The following CCL11 variants were observed in gnomAD, a reference collection of about 807,000 sequenced individuals.
The protein encoded by CCL11 is eotaxin.
Under a neutral mutation model 7.3 loss-of-function variants are expected in CCL11, and 7 were observed. The observed-to-expected ratio is 0.96, with a 90% CI of 0.55 to 1.81. The LOEUF (loss-of-function observed/expected upper bound fraction) is 1.81, where lower values mean the gene tolerates loss of function less well. Ranked by LOEUF, CCL11 falls within the 40% of genes most tolerant of loss-of-function variation. The pLI, the probability that CCL11 is intolerant of heterozygous loss-of-function variation, is 0.00. For synonymous variants in CCL11, 66 were observed against 45.2 expected (o/e 1.46, Z -1.84); for missense variants, 132 against 114.2 (o/e 1.16, Z -0.71).
At chr17:34,285,905 C>CCTTTCCTGTA in intron 1 of CCL11, 21 bp downstream of exon 1, 2 of 1,577,880 alleles carry the variant, frequency 1.3e-6, no homozygotes, top group Non-Finnish European at 1.7e-6. Context: ...CAACTCCTTA[C>CCTTTCCTGTA]AGGAAAGGTA....
Position 34,287,831 on chromosome 17 carries a change from A to ATTT in CCL11, c.*141_*142insTTT, listed in dbSNP as rs1567648692. 17 of 319,858 alleles carry ATTT rather than the reference A, an allele frequency of 5.3e-5. No individual in the cohort carries two copies. The highest frequency in any genetic ancestry group is 3.5e-4 in the African/African-American group (16 of 46,230). 19.8% of individuals were successfully genotyped at this position (319,858 alleles called of 1,614,324 possible). A position where few individuals can be genotyped will look rare whatever the true frequency, so the allele number is the denominator to read the frequency against. ...ATATATATATATTTTTTTTTTTAAAAAAAAAACGTATTGCATTTAATTTAT... is the reference window on the plus strand; with the variant it reads ...ATATATATATATTTTTTTTTTTAAAATTTAAAAAACGTATTGCATTTAATTTAT... On this transcript the variant is annotated 3_prime_UTR_variant, in exon 3 of 3. Transcript: ENST00000305869.
At position 34,287,157 on chromosome 17, in the gene CCL11, A is replaced by G. The variant is rs894566628; in HGVS notation, c.138A>G (p.Leu46=). ...ATAGGAAGATACCCCTTCAGCGACTAGAGAGCTACAGGAGAATCACCAGTG... is the reference window on the plus strand; with the variant it reads ...ATAGGAAGATACCCCTTCAGCGACTGGAGAGCTACAGGAGAATCACCAGTG... The part of the protein sequence containing the change: ...LANRKIPLQR[L]ESYRRITSGK... Residue 46 remains leucine, a synonymous_variant, in exon 2 of 3, where the codon CTA becomes CTG. Coordinates refer to ENST00000305869, the MANE Select transcript of CCL11 (RefSeq NM_002986.3). The G allele has an allele frequency of 1.9e-6, 3 of 1,614,042 alleles. No individual in the cohort carries two copies. The highest frequency in any genetic ancestry group is 1.3e-5 in the African/African-American group (1 of 75,028).
Position 34,285,868 on chromosome 17 carries a change from G to C in CCL11, c.60G>C (p.Gln20His). 1.9e-6 allele frequency: 3 copies of C among 1,611,536 alleles called. No homozygotes were observed. The highest frequency in any genetic ancestry group is 2.5e-6 in the Non-Finnish European group (3 of 1,178,784). Residue 20 changes from glutamine (Q) to histidine (H), a missense_variant, in exon 1 of 3, where the codon CAG becomes CAC. Gln to His is a conservative substitution (Grantham distance 24). Transcript: ENST00000305869. The part of the protein sequence containing the change: ...LLLIAAAFSP[Q>H]GLAGPASVPT... ...TCATAGCAGCTGCCTTCAGCCCCCA[G>C]GGGCTCGCTGGGCCAGGTAAGCCCC...
chr17:34,285,958 C>A, intron 1 of CCL11, 74 bp downstream of exon 1: 1 of 989,872 alleles, frequency 1.0e-6, no homozygotes, highest in Non-Finnish European at 1.5e-6. Context: ...AGAATCTTTA[C>A]AGACTCACTG....
chr17:34,287,820 T>C lies in CCL11; in HGVS notation c.*130T>C, dbSNP rs768719395. ...TGGGTTTTATTATATATATATATTT[T>C]TTTTTTTAAAAAAAAAACGTATTGC... On this transcript the variant is annotated 3_prime_UTR_variant, in exon 3 of 3. Transcript: ENST00000305869. 6 of 297,612 alleles carry C rather than the reference T, an allele frequency of 2.0e-5. No homozygotes were observed. In the Admixed American group the frequency reaches 2.1e-4, roughly 10 times the overall value. 18.4% of individuals were successfully genotyped at this position (297,612 alleles called of 1,614,324 possible). A position where few individuals can be genotyped will look rare whatever the true frequency, so the allele number is the denominator to read the frequency against.
At chr17:34,287,285 G>T (rs1908662749) in intron 2 of CCL11, 78 bp downstream of exon 2, 9 of 1,037,668 alleles carry the variant, frequency 8.7e-6, no homozygotes, top group South Asian at 1.3e-5. Flanking sequence ...TGTCACAGTT[G>T]CTGGGAGTCA....
At position 34,287,326 on chromosome 17, in the gene CCL11, A is replaced by G. The variant is rs1027574724; in HGVS notation, c.188+119A>G. 10 of 723,318 alleles carry G rather than the reference A, an allele frequency of 1.4e-5. No homozygotes were observed. In the African/African-American group the frequency reaches 1.8e-4, roughly 13 times the overall value. The allele number at this position is 723,318 out of a possible 1,614,324, so 44.8% of individuals were successfully genotyped here. A position where few individuals can be genotyped will look rare whatever the true frequency, so the allele number is the denominator to read the frequency against. On this transcript the variant is annotated intron_variant, in intron 2 of 2. Coordinates refer to ENST00000305869, the MANE Select transcript of CCL11 (RefSeq NM_002986.3). ...TCTGATAGTTTGACCTCTATGGTCC[A>G]ATTCATTAATTTTCACAAGTGAGTG...
Position 34,287,086 on chromosome 17 carries a change from C to G in CCL11, c.77-10C>G, listed in dbSNP as rs367601754. Reference sequence around the variant, plus strand: ...TTTTTCTCTGTTCATTTTTTTTCCCCAAAATTCAGCTTCTGTCCCAACCAC... The same window carrying G: ...TTTTTCTCTGTTCATTTTTTTTCCCGAAAATTCAGCTTCTGTCCCAACCAC... On this transcript the variant is annotated splice_polypyrimidine_tract_variant and intron_variant, in intron 1 of 2. Transcript: ENST00000305869. The G allele has an allele frequency of 3.7e-6, 6 of 1,600,020 alleles. No homozygotes were observed. In the African/African-American group the frequency reaches 8.1e-5, roughly 22 times the overall value.
intron 1 of CCL11, among the ~76,000 whole-genome samples, 188 bp downstream of exon 1, chr17:34,286,072 G>A (rs1908622923): frequency 6.6e-6 from 1 of 152,200 alleles, no homozygotes; most frequent in East Asian, 1.9e-4. Context: ...GAAAGCTCCC[G>A]AGTCTTTTCC....
At chr17:34,285,924 A>G in intron 1 of CCL11, 40 bp downstream of exon 1, 2 of 1,377,588 alleles carry the variant, frequency 1.5e-6, no homozygotes, top group African/African-American at 1.4e-5. Flanking sequence ...TAAGGTAACC[A>G]CCTCCAGAGC....
In CCL11 at chr17:34,285,846, T is replaced by C. The variant is rs954232207; in HGVS notation, c.38T>C (p.Ile13Thr). ...VSAALLWLLL[I>T]AAAFSPQGLA... is the part of the protein sequence containing the mutation. ...GCAGCACTTCTGTGGCTGCTGCTCA[T>C]AGCAGCTGCCTTCAGCCCCCAGGGG... The change falls in exon 1 of 3, where the codon ATA (isoleucine) becomes ACA (threonine). Residue 13 changes from isoleucine to threonine, a missense_variant. By Grantham distance (89) the Ile-to-Thr change is moderately conservative (BLOSUM62 -1). Coordinates refer to ENST00000305869, the MANE Select transcript of CCL11 (RefSeq NM_002986.3). 3.7e-6 allele frequency: 6 copies of C among 1,612,586 alleles called. No individual in the cohort carries two copies. The highest frequency in any genetic ancestry group is 1.3e-5 in the African/African-American group (1 of 74,890).
chr17:34,285,959 A>T, intron 1 of CCL11, 75 bp downstream of exon 1: 1 of 974,930 alleles, frequency 1.0e-6, no homozygotes, highest in Admixed American at 2.4e-5. Flanking sequence ...GAATCTTTAC[A>T]GACTCACTGC....
At position 34,287,481 on chromosome 17, in the gene CCL11, G is replaced by A. The variant is rs527555142; in HGVS notation, c.189-104G>A. 1.1e-4 allele frequency: 91 copies of A among 810,772 alleles called. 1 individual carries two copies. In the Middle Eastern group the frequency reaches 1.4e-3, roughly 12 times the overall value. The allele number at this position is 810,772 out of a possible 1,614,324, so 50.2% of individuals were successfully genotyped here. A position where few individuals can be genotyped will look rare whatever the true frequency, so the allele number is the denominator to read the frequency against. ...AAGAGTCTCATCCTTCCTCCTCTCC[G>A]TAGCAACCCTTTGTCCAGGGGCAGA... is the stretch of plus-strand genomic sequence containing the variant. On this transcript the variant is annotated intron_variant, in intron 2 of 2. Transcript: ENST00000305869.
At chr17:34,286,972 C>T in intron 1 of CCL11, 124 bp from the exon 2 acceptor site, 1 of 655,544 alleles carries the variant, frequency 1.5e-6, no homozygotes, top group South Asian at 1.7e-5. Flanking sequence ...GAGGGATTCT[C>T]CCTCCACCTC....
chr17:34,287,345 G>A (rs1908664804), intron 2 of CCL11, 138 bp downstream of exon 2: 1 of 685,978 alleles, frequency 1.5e-6, no homozygotes, highest in Admixed American at 2.6e-5. Context: ...ATTTTCACAA[G>A]TGAGTGTTCA....
At chr17:34,286,577 G>A (rs1184210540) in intron 1 of CCL11, among the ~76,000 whole-genome samples, 5 of 152,258 alleles carry the variant, frequency 3.3e-5, no homozygotes, top group Non-Finnish European at 7.3e-5. Context: ...AGTTGCCCAT[G>A]TGGGGGAACA....
chr17:34,287,273 T>A, intron 2 of CCL11, 66 bp downstream of exon 2: 1 of 1,140,636 alleles, frequency 8.8e-7, no homozygotes, highest in Non-Finnish European at 1.3e-6. Flanking sequence ...AGTCAAGAAC[T>A]GTGTCACAGT....
Position 34,285,872 on chromosome 17 carries a change from C to T in CCL11, c.64C>T (p.Leu22Phe). The change falls in exon 1 of 3, where the codon CTC becomes TTC. Residue 22 changes from leucine (L) to phenylalanine (F), a missense_variant. Transcript: ENST00000305869. ...LIAAAFSPQG[L>F]AGPASVPTTC... ...AGCAGCTGCCTTCAGCCCCCAGGGG[C>T]TCGCTGGGCCAGGTAAGCCCCCCAA... is the stretch of plus-strand genomic sequence containing the variant. 1.2e-6 allele frequency: 2 copies of T among 1,611,184 alleles called. No homozygotes were observed. Among genetic ancestry groups the T allele is most frequent in the Admixed American group, 1.7e-5 (1 of 59,702 alleles).
chr17:34,287,647 C>A lies in CCL11; in HGVS notation c.251C>A (p.Ser84Tyr). ...ADPKKKWVQD[S>Y]MKYLDQKSPT... ...CCCAAGAAGAAGTGGGTGCAGGATTCCATGAAGTATCTGGACCAAAAATCT... is the reference window on the plus strand; with the variant it reads ...CCCAAGAAGAAGTGGGTGCAGGATTACATGAAGTATCTGGACCAAAAATCT... Residue 84 changes from serine (S) to tyrosine (Y), a missense_variant, in exon 3 of 3, where the codon TCC becomes TAC. Transcript: ENST00000305869. 2 of 1,613,846 alleles carry A rather than the reference C, an allele frequency of 1.2e-6. No individual in the cohort carries two copies. Among genetic ancestry groups the A allele is most frequent in the Non-Finnish European group, 1.7e-6 (2 of 1,179,910 alleles).
Sources: allele counts gnomAD v4.1 joint callset (sites outside exome capture counted in the v4.1 genomes callset), GRCh38; gene constraint gnomAD v4.1.1; transcripts MANE v1.5; gene names NCBI Gene and HGNC (gene_info 2026-07-23, HGNC 2026-07-21).